Variants in C4orf51 observed in about 807,000 individuals in gnomAD.
C4orf51 encodes chromosome 4 open reading frame 51.
C4orf51 carries 25 observed loss-of-function variants against 25.2 expected under a neutral mutation model. The observed-to-expected ratio is 0.99, with a 90% CI of 0.72 to 1.39. The LOEUF (loss-of-function observed/expected upper bound fraction) is 1.39. C4orf51 is among the 40% of genes most tolerant of loss of function. The probability of loss-of-function intolerance (pLI) is 0.00; values close to 1 mark genes in which losing one functional copy is unlikely to be tolerated. For missense variants in C4orf51, 252 were observed against 239.6 expected (o/e 1.05, Z -0.34); for synonymous variants, 100 against 84.5 (o/e 1.18, Z -1.01).
At chr4:145,740,230 TC>T (rs1026151726) in intron 1 of C4orf51, among the ~76,000 whole-genome samples, 1 of 107,286 alleles carries the variant, frequency 9.3e-6, no homozygotes, top group Non-Finnish European at 1.7e-5. Context: ...TAGCTATCTC[TC>T]CCTTTCTGCA....
downstream of C4orf51, among the ~76,000 whole-genome samples, chr4:145,734,614 T>C (rs1732703811): frequency 1.3e-5 from 2 of 152,330 alleles, no homozygotes; most frequent in East Asian, 3.9e-4. Context: ...ACTCCCGCCC[T>C]GACCGTGTGA....
At chr4:145,777,025 C>A in the C4orf51 span, among the ~76,000 whole-genome samples, 1 of 152,184 alleles carries the variant, frequency 6.6e-6, no homozygotes, top group Admixed American at 6.5e-5. Flanking sequence ...AGTGTTCTAT[C>A]CTTAATGCTT....
chr4:145,754,828 C>T (rs144017089), downstream of C4orf51, among the ~76,000 whole-genome samples: 132 of 152,160 alleles, frequency 8.7e-4, 1 homozygote, highest in East Asian at 0.011. Flanking sequence ...CCCAGCTACT[C>T]GGGAGGCTGA....
chr4:145,776,850 C>T, the C4orf51 span, among the ~76,000 whole-genome samples: 211 of 152,308 alleles, frequency 1.4e-3, no homozygotes, highest in Non-Finnish European at 2.6e-3. Flanking sequence ...CAATTAACTT[C>T]TTAATGGAAA....
chr4:145,731,422 T>C (rs924632566), intron 5 of C4orf51, among the ~76,000 whole-genome samples: 2 of 151,934 alleles, frequency 1.3e-5, no homozygotes, highest in African/African-American at 4.8e-5. Context: ...GTTTTTGTGG[T>C]GCAATAACAG....
Position 145,764,845 on chromosome 4 carries a change from G to A in C4orf51, n.167-6143G>A, listed in dbSNP as rs754114411. 8.4e-6 allele frequency: 9 copies of A among 1,076,162 alleles called. No individual in the cohort carries two copies. The African/African-American group carries it at 1.4e-4, about 17-fold the overall frequency. 66.7% of individuals were successfully genotyped at this position (1,076,162 alleles called of 1,614,324 possible). On this transcript the variant is annotated intron_variant and non_coding_transcript_variant, in intron 1 of 1. Transcript: ENST00000510096. ...GTCTAATTCAATCCAGCTAAAGGCA[G>A]CAGGGGTTCCTGACTAACTCCTCTC...
intron 2 of C4orf51, among the ~76,000 whole-genome samples, chr4:145,716,065 T>TA (rs1731392350): frequency 6.6e-6 from 1 of 152,268 alleles, no homozygotes; most frequent in Non-Finnish European, 1.5e-5. Flanking sequence ...AGGTTAACAC[T>TA]AATTGTTATA....
At position 145,765,498 on chromosome 4, in the gene C4orf51, C is replaced by T. The variant is rs751820757; in HGVS notation, n.167-5490C>T. On this transcript the variant is annotated intron_variant and non_coding_transcript_variant, in intron 1 of 1. Coordinates refer to the C4orf51 transcript ENST00000510096. This position sits in a 1 kb window ranked among gnomAD's most constrained non-coding sequence, Gnocchi z 4.7. ...GCAGGGCTTATTCTCAAGAATGGGT[C>T]ATCCTGGGTGCGGAGGGTTGAGCAG... is the stretch of plus-strand genomic sequence containing the variant. 1.9e-6 allele frequency: 3 copies of T among 1,554,250 alleles called. No individual in the cohort carries two copies. The highest frequency in any genetic ancestry group is 2.6e-6 in the Non-Finnish European group (3 of 1,151,886).
At chr4:145,721,031 T>C (rs904303269) in intron 2 of C4orf51, among the ~76,000 whole-genome samples, 5 of 152,174 alleles carry the variant, frequency 3.3e-5, no homozygotes, top group Admixed American at 6.5e-5. Flanking sequence ...GAGAAGTGAA[T>C]ACATTTCTTT....
chr4:145,786,443 A>G, the C4orf51 span, among the ~76,000 whole-genome samples: 1 of 152,360 alleles, frequency 6.6e-6, no homozygotes, highest in South Asian at 2.1e-4. Flanking sequence ...TCATTACTGA[A>G]GAAGAGGCTC....
At chr4:145,696,916 A>G (rs1730100433) in intron 2 of C4orf51, among the ~76,000 whole-genome samples, 1 of 151,926 alleles carries the variant, frequency 6.6e-6, no homozygotes, top group Non-Finnish European at 1.5e-5. Context: ...GCATACCTGT[A>G]ATCCCAGCTA....
rs1732366346 is a variant in C4orf51 at position 145,729,911 on chromosome 4, AG to A, written c.448del (p.Ala150HisfsTer5). 1 of 1,613,868 alleles carries A rather than the reference AG, an allele frequency of 6.2e-7. No individual in the cohort carries two copies. The highest frequency in any genetic ancestry group is 8.5e-7 in the Non-Finnish European group (1 of 1,179,860). ...CCCTAGGTGTGAGACCTAAAAAGCC[AG>A]CACAGGAGGCCCTGATAAACTACAG... ...GKYCVRPKKP[A>X]QEALINYSRR... On this transcript the variant is annotated frameshift_variant, in exon 5 of 6. Coordinates refer to ENST00000438731, the MANE Select transcript of C4orf51 (RefSeq NM_001080531.3). LOFTEE classifies it high-confidence loss of function.
chr4:145,768,961 T>C lies in C4orf51; in HGVS notation n.167-2027T>C, dbSNP rs184279550. Among the ~76,000 whole-genome samples the C allele has an allele frequency of 8.8e-3, 1,160 of 132,370 alleles. 21 individuals are homozygous for C. The highest frequency in any genetic ancestry group is 0.031 in the African/African-American group (1,106 of 35,672). The allele number at this position is 132,370 out of a possible 152,430, so 86.8% of individuals were successfully genotyped here. ...AATAGAGCTGTAATGGTGGGTTACA[T>C]CTAGAGTGTAAAATTATTGGTGTCA... is the stretch of plus-strand genomic sequence containing the variant. On this transcript the variant is annotated intron_variant and non_coding_transcript_variant, in intron 1 of 1. Transcript: ENST00000510096.
chr4:145,752,220 A>G (rs1439330972), intron 1 of C4orf51, among the ~76,000 whole-genome samples: 2 of 152,168 alleles, frequency 1.3e-5, no homozygotes, highest in Non-Finnish European at 2.9e-5. Context: ...AAGCAGAAGG[A>G]ATCTCTCACA....
At chr4:145,757,069 T>C (rs1335426687), downstream of C4orf51, among the ~76,000 whole-genome samples, 1 of 152,228 alleles carries the variant, frequency 6.6e-6, no homozygotes, top group Non-Finnish European at 1.5e-5. Context: ...TTTAAAAAAT[T>C]GTTTGAACTT....
At chr4:145,749,746 G>A (rs965297739) in intron 1 of C4orf51, among the ~76,000 whole-genome samples, 19 of 152,060 alleles carry the variant, frequency 1.2e-4, no homozygotes, top group Non-Finnish European at 2.5e-4. Flanking sequence ...CCATTCTCCT[G>A]CCTCAGCCTC....
At position 145,680,244 on chromosome 4, in the gene C4orf51, C is replaced by A. The variant is rs1560813328; in HGVS notation, c.41C>A (p.Pro14His). ...YFYLTPQILL[P>H]FSPLTSQEFD... ...TACTTGACTCCACAAATTCTTCTGC[C>A]CTTTAGCCCTCTTACTTCTCAAGAG... The change falls in exon 1 of 6, where the codon CCC (proline) becomes CAC (histidine). Residue 14 changes from proline (P) to histidine (H), a missense_variant. Coordinates refer to ENST00000438731, the MANE Select transcript of C4orf51 (RefSeq NM_001080531.3). 2 of 1,613,892 alleles carry A rather than the reference C, an allele frequency of 1.2e-6. No individual in the cohort carries two copies. The highest frequency in any genetic ancestry group is 1.7e-6 in the Non-Finnish European group (2 of 1,179,836).
chr4:145,719,153 G>A (rs965560467), intron 2 of C4orf51, among the ~76,000 whole-genome samples: 2 of 152,136 alleles, frequency 1.3e-5, no homozygotes, highest in African/African-American at 4.8e-5. Flanking sequence ...AGAGCAGATT[G>A]TTTGTCATTG....
intron 1 of C4orf51, among the ~76,000 whole-genome samples, chr4:145,681,788 A>G (rs1324944739): frequency 1.3e-5 from 2 of 152,188 alleles, no homozygotes; most frequent in Non-Finnish European, 2.9e-5. Flanking sequence ...CTCTTGAGAT[A>G]ACTAACCTGC....
Sources: allele counts gnomAD v4.1 joint callset (sites outside exome capture counted in the v4.1 genomes callset), GRCh38; gene constraint gnomAD v4.1.1; non-coding constraint Gnocchi (gnomAD v3.1); transcripts MANE v1.5; gene names NCBI Gene and HGNC (gene_info 2026-07-23, HGNC 2026-07-21).